Variants in NUDCD1 observed in about 807,000 individuals in gnomAD.
The protein encoded by NUDCD1 is NudC domain containing 1.
NUDCD1 carries 60 observed loss-of-function variants against 67.8 expected under a neutral mutation model. The ratio of observed to expected loss-of-function variants is 0.88; its 90% CI spans 0.72 to 1.10. NUDCD1 has a LOEUF of 1.10. Ranked by LOEUF, NUDCD1 falls within the 50% of genes least tolerant of loss-of-function variation. The pLI, the probability that NUDCD1 is intolerant of heterozygous loss-of-function variation, is 0.00. For synonymous variants in NUDCD1, 244 were observed against 230.8 expected (o/e 1.06, Z -0.52); for missense variants, 643 against 695.0 (o/e 0.93, Z 0.84).
chr8:109,270,090 A>AGGGGGGGGGGGGGGGGGGGGG (rs1563665962), intron 8 of NUDCD1, among the ~76,000 whole-genome samples: 1 of 7,612 alleles, frequency 1.3e-4, no homozygotes, highest in African/African-American at 5.6e-4. Context: ...GGGTGCCTTA[A>AGGGGGGGGGGGGGGGGGGGGG]GGTGGGGTGT....
At chr8:109,315,801 T>C (rs1815381515) in intron 2 of NUDCD1, 1 of 152,002 alleles carries the variant, frequency 6.6e-6, no homozygotes. Context: ...AAGGGGACAC[T>C]TTGCCTTCGT....
In NUDCD1 at chr8:109,242,702, C is replaced by G. The variant is rs544600950; in HGVS notation, c.*307G>C. ...CACAATAAATATTTTTATTTTTAAA[C>G]ACTGAATTGTACATCTTTCATATAA... On this transcript the variant is annotated 3_prime_UTR_variant, in exon 10 of 10. Transcript: ENST00000239690. 8 of 191,986 alleles carry G rather than the reference C, an allele frequency of 4.2e-5. No homozygotes were observed. The South Asian group carries it at 1.0e-3, about 25-fold the overall frequency. 11.9% of individuals were successfully genotyped at this position (191,986 alleles called of 1,614,324 possible).
In NUDCD1 at chr8:109,275,399, AC is replaced by A; in HGVS notation, c.1125del (p.Gln375HisfsTer5). ...ATCAAACGTTCAGCTATTGCAGCAC[AC>A]TGGGCTGAATCTCTTATAAGTTCCC... ...KQGELIRDSA[Q>X]CAAIAERLMH... On this transcript the variant is annotated frameshift_variant, in exon 7 of 10. Transcript: ENST00000239690. LOFTEE classifies it high-confidence loss of function. The A allele has an allele frequency of 6.2e-7, 1 of 1,613,804 alleles. No individual in the cohort carries two copies. Among genetic ancestry groups the A allele is most frequent in the Non-Finnish European group, 8.5e-7 (1 of 1,179,762 alleles).
In NUDCD1 at chr8:109,242,903, G is replaced by A; in HGVS notation, c.*106C>T. On this transcript the variant is annotated 3_prime_UTR_variant, in exon 10 of 10. Coordinates refer to ENST00000239690, the MANE Select transcript of NUDCD1 (RefSeq NM_032869.4). The stretch of plus-strand genomic sequence containing the variant: ...TATTAAAAAATAAAAAATCATACAA[G>A]ATATATTTAGCACATTAAAACTTAA... 2 of 583,180 alleles carry A rather than the reference G, an allele frequency of 3.4e-6. No individual in the cohort carries two copies. Among genetic ancestry groups the A allele is most frequent in the Non-Finnish European group, 5.9e-6 (2 of 341,242 alleles). The allele number at this position is 583,180 out of a possible 1,614,324, so 36.1% of individuals were successfully genotyped here.
intron 3 of NUDCD1, among the ~76,000 whole-genome samples, chr8:109,294,374 A>G (rs1458917): frequency 0.4 from 61,502 of 151,878 alleles, 12,736 homozygotes; most frequent in South Asian, 0.5. Flanking sequence ...CATTCAAGTA[A>G]TGGGCCTTCA....
intron 1 of NUDCD1, among the ~76,000 whole-genome samples, chr8:109,322,918 C>A (rs1369021020): frequency 6.6e-6 from 1 of 152,110 alleles, no homozygotes; most frequent in African/African-American, 2.4e-5. Flanking sequence ...TCTCATTATA[C>A]AGTTATATAA....
Position 109,279,636 on chromosome 8 carries a change from ATTTC to A in NUDCD1, c.1028+1328_1028+1331del, listed in dbSNP as rs1814382220. Among the ~76,000 whole-genome samples the A allele has an allele frequency of 2.0e-5, 3 of 151,666 alleles. No homozygotes were observed. The East Asian group carries it at 5.8e-4, about 29-fold the overall frequency. On this transcript the variant is annotated intron_variant, in intron 6 of 9. Transcript: ENST00000239690. ...TGTTTTGATGAAGTCTAACTTATGT[ATTTC>A]TTTCTTTTTTTTTTGAGACGTAGTT...
intron 1 of NUDCD1, chr8:109,329,937 T>C: frequency 6.6e-7 from 1 of 1,506,718 alleles, no homozygotes; most frequent in African/African-American, 1.4e-5. Flanking sequence ...GAAGTACTGG[T>C]TACTATGGCA....
At position 109,287,194 on chromosome 8, in the gene NUDCD1, T is replaced by A. The variant is rs79459596; in HGVS notation, c.823+2557A>T. Reference sequence around the variant, plus strand: ...TGATGATACACTATTGGTGGGAATGTCAATTAATTCAGCCCCTGTGGAAAG... The same window carrying A: ...TGATGATACACTATTGGTGGGAATGACAATTAATTCAGCCCCTGTGGAAAG... On this transcript the variant is annotated intron_variant, in intron 5 of 9. Coordinates refer to ENST00000239690, the MANE Select transcript of NUDCD1 (RefSeq NM_032869.4). 3.9e-3 allele frequency among the ~76,000 whole-genome samples: 601 copies of A among 152,262 alleles called. 9 individuals are homozygous for A. The highest frequency in any genetic ancestry group is 0.011 in the East Asian group (59 of 5,176).
At chr8:109,279,137 G>T (rs1814369451) in intron 6 of NUDCD1, among the ~76,000 whole-genome samples, 1 of 152,138 alleles carries the variant, frequency 6.6e-6, no homozygotes, top group African/African-American at 2.4e-5. Flanking sequence ...TAAACATCAA[G>T]GAGTAGAATT....
At chr8:109,326,066 G>A (rs1031571398) in intron 1 of NUDCD1, among the ~76,000 whole-genome samples, 1 of 152,170 alleles carries the variant, frequency 6.6e-6, no homozygotes, top group East Asian at 1.9e-4. Flanking sequence ...AAAACTGCAT[G>A]GTAACATAAG....
At chr8:109,328,254 G>A (rs2980565) in intron 1 of NUDCD1, among the ~76,000 whole-genome samples, 54,877 of 151,904 alleles carry the variant, frequency 0.36, 10,731 homozygotes, top group South Asian at 0.5. Context: ...TAAATACAAC[G>A]GTTACATGGC....
chr8:109,329,505 A>C (rs1815755575), intron 1 of NUDCD1, among the ~76,000 whole-genome samples: 1 of 152,220 alleles, frequency 6.6e-6, no homozygotes, highest in Non-Finnish European at 1.5e-5. Flanking sequence ...CAACAAAGAT[A>C]GGATAATGTG....
chr8:109,329,805 C>CAGGCA (rs1447983216), intron 1 of NUDCD1: 11 of 1,549,412 alleles, frequency 7.1e-6, no homozygotes, highest in Non-Finnish European at 9.6e-6. Context: ...TCCTACTTAC[C>CAGGCA]AGGCATGCTC....
At chr8:109,250,892 T>A (rs2980599) in intron 8 of NUDCD1, among the ~76,000 whole-genome samples, 54,860 of 152,012 alleles carry the variant, frequency 0.36, 10,725 homozygotes, top group South Asian at 0.5. Context: ...TAAGAATTTT[T>A]GTGTCTGTAT....
chr8:109,286,379 G>C (rs907463082), intron 5 of NUDCD1, among the ~76,000 whole-genome samples: 1 of 151,964 alleles, frequency 6.6e-6, no homozygotes, highest in East Asian at 1.9e-4. Flanking sequence ...AAAGCCAGAG[G>C]CATCACACTG....
chr8:109,243,854 C>T (rs1215478019), intron 9 of NUDCD1, among the ~76,000 whole-genome samples: 1 of 152,062 alleles, frequency 6.6e-6, no homozygotes, highest in Non-Finnish European at 1.5e-5. Flanking sequence ...AATACCAACA[C>T]TGTAACTGGA....
chr8:109,264,411 T>G (rs1260026638), intron 8 of NUDCD1, among the ~76,000 whole-genome samples: 1 of 152,170 alleles, frequency 6.6e-6, no homozygotes, highest in East Asian at 1.9e-4. Flanking sequence ...CTGGTGAGAT[T>G]AGTGGTATAT....
intron 8 of NUDCD1, among the ~76,000 whole-genome samples, chr8:109,259,774 C>G (rs778054071): frequency 1.3e-5 from 2 of 152,104 alleles, no homozygotes; most frequent in Non-Finnish European, 2.9e-5. Context: ...TTGCTAGAAA[C>G]TAAATATCAC....
Sources: gnomAD v4.1 joint callset for allele counts (sites outside exome capture counted in the v4.1 genomes callset) on GRCh38, gnomAD v4.1.1 for gene constraint, MANE v1.5 for transcripts, NCBI Gene and HGNC (gene_info 2026-07-23, HGNC 2026-07-21) for gene names.